The following E2F2 variants were observed in gnomAD, a reference collection of about 807,000 sequenced individuals.
The protein encoded by E2F2 is transcription factor E2F2.
In E2F2, 22 loss-of-function variants were observed where a neutral mutation model predicts 42.2. That is an observed-to-expected ratio of 0.52 (90% CI 0.37 to 0.74). The LOEUF is 0.74. E2F2 is among the 30% of genes least tolerant of loss of function. The pLI, the probability that E2F2 is intolerant of heterozygous loss-of-function variation, is 0.00. For missense variants in E2F2, 481 were observed against 557.8 expected (o/e 0.86, Z 1.39); for synonymous variants, 248 against 251.6 (o/e 0.99, Z 0.13).
At chr1:23,526,306 C>T (rs1457005775) in intron 1 of E2F2, among the ~76,000 whole-genome samples, 1 of 152,200 alleles carries the variant, frequency 6.6e-6, no homozygotes, top group African/African-American at 2.4e-5. Context: ...CATCACTTCA[C>T]TGAATCTTCC....
chr1:23,506,059 C>T (rs893150670), downstream of E2F2, among the ~76,000 whole-genome samples: 6 of 152,302 alleles, frequency 3.9e-5, no homozygotes, highest in South Asian at 2.1e-4. Flanking sequence ...CAGCGTGAGG[C>T]ATGGTCTTGA....
Position 23,530,865 on chromosome 1 carries a change from C to G in E2F2, c.-72G>C, listed in dbSNP as rs944274893. On this transcript the variant is annotated 5_prime_UTR_variant, in exon 1 of 7. Coordinates refer to ENST00000361729, the MANE Select transcript of E2F2 (RefSeq NM_004091.4). The surrounding 1 kb of genome is among the most constrained non-coding windows in gnomAD (Gnocchi z 4.4). ...ACACCTGCGGGTTCCGGTGCTGCCG[C>G]CTTTCACACGGCCCGCGGCATGGCG... is the stretch of plus-strand genomic sequence containing the variant. The G allele has an allele frequency of 7.8e-6, 11 of 1,408,502 alleles. No homozygotes were observed. Among genetic ancestry groups the G allele is most frequent in the African/African-American group, 1.5e-5 (1 of 67,204 alleles). The allele number at this position is 1,408,502 out of a possible 1,614,324, so 87.3% of individuals were successfully genotyped here. A position where few individuals can be genotyped will look rare whatever the true frequency, so the allele number is the denominator to read the frequency against.
intron 5 of E2F2, among the ~76,000 whole-genome samples, chr1:23,516,800 G>GT (rs900101034): frequency 2.5e-5 from 1 of 40,088 alleles, no homozygotes; most frequent in African/African-American, 5.7e-5. Flanking sequence ...TTTTGGGGCG[G>GT]GGGGGGGGGG....
chr1:23,513,616 GCAGGAGAA>G (rs1642958218), intron 6 of E2F2, among the ~76,000 whole-genome samples: 1 of 149,930 alleles, frequency 6.7e-6, no homozygotes, highest in East Asian at 2.0e-4. Context: ...GTGTGTCTGT[GCAGGAGAA>G]TCCCTTGAAC....
chr1:23,511,536 T>C (rs1353777988), intron 6 of E2F2, among the ~76,000 whole-genome samples: 2 of 152,104 alleles, frequency 1.3e-5, no homozygotes, highest in African/African-American at 4.8e-5. Context: ...ACACCCAACC[T>C]GCTCATTTCC....
At chr1:23,515,840 A>G (rs1643006970) in intron 6 of E2F2, among the ~76,000 whole-genome samples, 1 of 152,084 alleles carries the variant, frequency 6.6e-6, no homozygotes, top group South Asian at 2.1e-4. Context: ...TAGCTGGACT[A>G]CAGGCGTGTG....
intron 1 of E2F2, among the ~76,000 whole-genome samples, chr1:23,525,452 G>A (rs564128505): frequency 2.0e-5 from 3 of 152,308 alleles, no homozygotes; most frequent in Non-Finnish European, 4.4e-5. Context: ...GCAGGCTCAC[G>A]GTACAAGTTG....
intron 1 of E2F2, among the ~76,000 whole-genome samples, chr1:23,526,183 C>T (rs1643247508): frequency 6.6e-6 from 1 of 152,088 alleles, no homozygotes; most frequent in Admixed American, 6.5e-5. Flanking sequence ...CCTTTTCTAC[C>T]TTCCTAACTG....
downstream of E2F2, among the ~76,000 whole-genome samples, chr1:23,505,261 C>T (rs572604549): frequency 6.6e-6 from 1 of 152,242 alleles, no homozygotes; most frequent in Admixed American, 6.5e-5. Flanking sequence ...GAACTTCATC[C>T]CGAGGGCAGA....
chr1:23,516,323 C>A lies in E2F2; in HGVS notation c.1045+12G>T. On this transcript the variant is annotated intron_variant, in intron 6 of 6. Transcript: ENST00000361729. ...TCCCCCCACCTCCTGTCCCTCTGGACAAGGGACCTACCTGAGGATGCTGTG... is the reference window on the plus strand; with the variant it reads ...TCCCCCCACCTCCTGTCCCTCTGGAAAAGGGACCTACCTGAGGATGCTGTG... 1 of 1,507,656 alleles carries A rather than the reference C, an allele frequency of 6.6e-7. No homozygotes were observed. The highest frequency in any genetic ancestry group is 1.3e-5 in the South Asian group (1 of 75,080). 93.4% of individuals were successfully genotyped at this position (1,507,656 alleles called of 1,614,324 possible).
chr1:23,514,383 C>T (rs2148692515), intron 6 of E2F2, among the ~76,000 whole-genome samples: 1 of 152,180 alleles, frequency 6.6e-6, no homozygotes, highest in Admixed American at 6.5e-5. Flanking sequence ...CCTGATGAGG[C>T]CTGACAGACA....
intron 2 of E2F2, 34 bp downstream of exon 2, chr1:23,524,344 GCCCCA>G: frequency 1.4e-6 from 2 of 1,448,712 alleles, no homozygotes; most frequent in Non-Finnish European, 9.5e-7. Flanking sequence ...CTCTGCCCCT[GCCCCA>G]CCCCACCCCA....
At chr1:23,527,367 G>T (rs980535895) in intron 1 of E2F2, among the ~76,000 whole-genome samples, 1 of 152,238 alleles carries the variant, frequency 6.6e-6, no homozygotes. Context: ...TATGGCCACA[G>T]CCAGAGGCCA....
At chr1:23,523,154 G>T (rs992918717) in intron 2 of E2F2, among the ~76,000 whole-genome samples, 3 of 125,092 alleles carry the variant, frequency 2.4e-5, no homozygotes, top group African/African-American at 7.8e-5. Context: ...CTCTAACCAG[G>T]ATTTTTTTTT....
intron 5 of E2F2, among the ~76,000 whole-genome samples, chr1:23,517,846 C>CTTT (rs1397683842): frequency 9.9e-5 from 15 of 152,274 alleles, no homozygotes; most frequent in African/African-American, 3.6e-4. Context: ...GAGGGAAGAA[C>CTTT]ATTTCAGCTC....
intron 3 of E2F2, 53 bp downstream of exon 3, chr1:23,521,784 G>A: frequency 6.3e-7 from 1 of 1,599,874 alleles, no homozygotes; most frequent in South Asian, 1.1e-5. Flanking sequence ...CTCTGGCTCC[G>A]CCCACAGCAC....
chr1:23,524,900 A>G (rs941941028), intron 1 of E2F2, among the ~76,000 whole-genome samples: 19 of 152,236 alleles, frequency 1.2e-4, no homozygotes, highest in African/African-American at 4.1e-4. Context: ...GGGCCCCCCT[A>G]CAGAAGCAGC....
In E2F2 at chr1:23,507,095, G is replaced by A. The variant is rs1642810476; in HGVS notation, c.*2785C>T. The A allele has an allele frequency of 7.2e-6, 1 of 139,100 alleles. No homozygotes were observed. Among genetic ancestry groups the A allele is most frequent in the Non-Finnish European group, 1.6e-5 (1 of 60,852 alleles). 8.6% of individuals were successfully genotyped at this position (139,100 alleles called of 1,614,324 possible). A position where few individuals can be genotyped will look rare whatever the true frequency, so the allele number is the denominator to read the frequency against. On this transcript the variant is annotated 3_prime_UTR_variant, in exon 7 of 7. Transcript: ENST00000361729. ...GAGCCCCAAGCTTTAGAAGTCCCTG[G>A]GGACACGAGTGATTTTTTTAGGGGG...
chr1:23,509,894 G>A lies in E2F2; in HGVS notation c.1300C>T (p.Leu434=), dbSNP rs779174156. 3 of 1,546,642 alleles carry A rather than the reference G, an allele frequency of 1.9e-6. No homozygotes were observed. The highest frequency in any genetic ancestry group is 2.6e-6 in the Non-Finnish European group (3 of 1,142,940). ...GGCAGGGCCACTCAATTAATCAACA[G>A]GTCCCCAAGGTCGTAGGAGTCGAAG... The part of the protein sequence containing the change: ...DLFDSYDLGD[L]LIN The change falls in exon 7 of 7, where the codon CTG becomes TTG. Residue 434 remains leucine (L), a synonymous_variant. Coordinates refer to ENST00000361729, the MANE Select transcript of E2F2 (RefSeq NM_004091.4).
Sources: allele counts gnomAD v4.1 joint callset (sites outside exome capture counted in the v4.1 genomes callset), GRCh38; gene constraint gnomAD v4.1.1; non-coding constraint Gnocchi (gnomAD v3.1); transcripts MANE v1.5; gene names NCBI Gene and HGNC (gene_info 2026-07-23, HGNC 2026-07-21).